Variants in ENPP6 observed in about 807,000 individuals in gnomAD.
The protein encoded by ENPP6 is glycerophosphocholine cholinephosphodiesterase ENPP6.
A neutral mutation model predicts 42.0 loss-of-function variants in ENPP6; 32 were observed. The ratio of observed to expected loss-of-function variants is 0.76; its 90% confidence interval spans 0.58 to 1.02. The LOEUF (loss-of-function observed/expected upper bound fraction) is 1.02. Ranked by LOEUF, ENPP6 falls within the 50% of genes least tolerant of loss-of-function variation. The pLI, the probability that ENPP6 is intolerant of heterozygous loss-of-function variation, is 0.00. For missense variants in ENPP6, 552 were observed against 566.8 expected (o/e 0.97, Z 0.27); for synonymous variants, 213 against 216.0 (o/e 0.99, Z 0.12).
chr4:184,114,138 G>C (rs1736276068), intron 5 of ENPP6, among the ~76,000 whole-genome samples: 1 of 151,998 alleles, frequency 6.6e-6, no homozygotes, highest in South Asian at 2.1e-4. Context: ...GCTAATTTTT[G>C]TATTTTTAGT....
chr4:184,094,897 C>G (rs904438011), intron 7 of ENPP6, among the ~76,000 whole-genome samples: 5 of 152,212 alleles, frequency 3.3e-5, no homozygotes, highest in Non-Finnish European at 7.3e-5. Context: ...CTTTGCTGGA[C>G]CAGACTCACT....
intron 1 of ENPP6, among the ~76,000 whole-genome samples, chr4:184,206,876 C>G (rs999475941): frequency 4.6e-5 from 7 of 152,212 alleles, no homozygotes; most frequent in Non-Finnish European, 1.0e-4. Flanking sequence ...TCGCTGCTTC[C>G]CGGACTGTCT....
At chr4:184,148,565 G>A (rs1204450607) in intron 2 of ENPP6, among the ~76,000 whole-genome samples, 2 of 152,216 alleles carry the variant, frequency 1.3e-5, no homozygotes, top group African/African-American at 4.8e-5. Context: ...ATTTTGTGGA[G>A]ACAATCTCAC....
chr4:184,126,805 G>A (rs114640084), intron 2 of ENPP6, among the ~76,000 whole-genome samples: 34 of 152,178 alleles, frequency 2.2e-4, no homozygotes, highest in African/African-American at 4.8e-4. Flanking sequence ...TCAGGAAAGC[G>A]CAGACCCAGC....
In ENPP6 at chr4:184,117,892, C is replaced by G. The variant is rs143413078; in HGVS notation, c.542G>C (p.Arg181Pro). ...ATGGTATATGGCTGCCAGGTCGGCC[C>G]GGCCACTCCTGGAGGGACAGAGGAG... is the stretch of plus-strand genomic sequence containing the variant. ...SDALDSFKSG[R>P]ADLAAIYHER... The change falls in exon 4 of 8, where the codon CGG becomes CCG. Residue 181 changes from arginine (R) to proline (P), a missense_variant. By Grantham distance (103) the Arg-to-Pro change is moderately radical. Transcript: ENST00000296741. The G allele has an allele frequency of 4.6e-5, 75 of 1,614,002 alleles. 1 individual carries two copies. In the African/African-American group the frequency reaches 8.5e-4, roughly 18 times the overall value.
At chr4:184,178,135 G>A (rs950700706) in intron 1 of ENPP6, among the ~76,000 whole-genome samples, 11 of 152,092 alleles carry the variant, frequency 7.2e-5, no homozygotes, top group African/African-American at 2.2e-4. Flanking sequence ...AAAACACTAC[G>A]GGAGCTGTTA....
chr4:184,117,463 C>T (rs1736339043), intron 4 of ENPP6, among the ~76,000 whole-genome samples: 2 of 152,364 alleles, frequency 1.3e-5, no homozygotes, highest in South Asian at 2.1e-4. Flanking sequence ...TGGAACCTGT[C>T]TACATGTCAA....
chr4:184,184,120 T>C lies in ENPP6; in HGVS notation c.242-30387A>G, dbSNP rs1311996493. On this transcript the variant is annotated intron_variant, in intron 1 of 7. Transcript: ENST00000296741. The surrounding 1 kb of genome is among the most constrained non-coding windows in gnomAD (Gnocchi z 4.7). Reference sequence around the variant, plus strand: ...TGAGGGAGGAAACAGTTCTAGCATGTTAAACCACTGAGATGTTAGAGTGTG... The same window carrying C: ...TGAGGGAGGAAACAGTTCTAGCATGCTAAACCACTGAGATGTTAGAGTGTG... Among the ~76,000 whole-genome samples, 1 of 152,190 alleles carries C rather than the reference T, an allele frequency of 6.6e-6. No homozygotes were observed. Among genetic ancestry groups the C allele is most frequent in the Non-Finnish European group, 1.5e-5 (1 of 68,040 alleles).
chr4:184,158,977 G>C (rs1737218569), intron 1 of ENPP6, among the ~76,000 whole-genome samples: 1 of 152,120 alleles, frequency 6.6e-6, no homozygotes, highest in Non-Finnish European at 1.5e-5. Flanking sequence ...ATCCTGCAAA[G>C]TTATTTTCCA....
At chr4:184,169,267 C>G (rs10031994) in intron 1 of ENPP6, among the ~76,000 whole-genome samples, 1 of 151,950 alleles carries the variant, frequency 6.6e-6, no homozygotes, top group Non-Finnish European at 1.5e-5. Flanking sequence ...CCACAGTGAC[C>G]GTGGCTCCAG....
At chr4:184,178,483 C>T (rs1462468303) in intron 1 of ENPP6, among the ~76,000 whole-genome samples, 1 of 152,154 alleles carries the variant, frequency 6.6e-6, no homozygotes, top group Non-Finnish European at 1.5e-5. Flanking sequence ...CCCAACCTAG[C>T]AAGTCAGGCC....
rs147410353 is a variant in ENPP6, at chr4:184,153,731, G to A, written c.244C>T (p.Arg82Cys). ...YPNYYTLMTG[R>C]HCEVHQMIGN... ...ATCATCTGATGGACTTCACAATGGC[G>A]GCCTATGTCAATGAGAACACAGCTG... Residue 82 changes from arginine to cysteine, a missense_variant and splice_region_variant, in exon 2 of 8, where the codon CGC (arginine) becomes TGC (cysteine). By Grantham distance (180) the Arg-to-Cys change is radical (BLOSUM62 -3). Transcript: ENST00000296741. The A allele has an allele frequency of 2.3e-5, 37 of 1,613,504 alleles. No homozygotes were observed. The highest frequency in any genetic ancestry group is 8.9e-5 in the East Asian group (4 of 44,894).
intron 6 of ENPP6, among the ~76,000 whole-genome samples, chr4:184,105,235 A>C (rs889580758): frequency 1.3e-5 from 2 of 152,176 alleles, no homozygotes; most frequent in Admixed American, 1.3e-4. Flanking sequence ...TGGGGTAAGG[A>C]AGAATAAAAG....
intron 3 of ENPP6, among the ~76,000 whole-genome samples, chr4:184,119,587 A>G (rs1736381418): frequency 1.3e-5 from 2 of 152,130 alleles, no homozygotes; most frequent in African/African-American, 2.4e-5. Flanking sequence ...AAATGGCAAG[A>G]TTATCTCCAA....
In ENPP6 at chr4:184,090,485, A is replaced by G. The variant is rs913443044; in HGVS notation, c.*692T>C. 2 of 152,400 alleles carry G rather than the reference A, an allele frequency of 1.3e-5. No homozygotes were observed. Among genetic ancestry groups the G allele is most frequent in the African/African-American group, 4.8e-5 (2 of 41,460 alleles). 9.4% of individuals were successfully genotyped at this position (152,400 alleles called of 1,614,324 possible). On this transcript the variant is annotated 3_prime_UTR_variant, in exon 8 of 8. Coordinates refer to ENST00000296741, the MANE Select transcript of ENPP6 (RefSeq NM_153343.4). The stretch of plus-strand genomic sequence containing the variant: ...CAGAAGCTTTTCTGCTCCTCAAGGC[A>G]AGAGAGAAATTTTCGTGCACTCAGA...
chr4:184,096,885 T>C (rs1314570822), intron 7 of ENPP6, among the ~76,000 whole-genome samples: 1 of 151,738 alleles, frequency 6.6e-6, no homozygotes, highest in Non-Finnish European at 1.5e-5. Flanking sequence ...ACAGTGAGAC[T>C]CACAGCGGTC....
chr4:184,117,042 G>T lies in ENPP6; in HGVS notation c.676-7C>A, dbSNP rs370763928. 1.2e-6 allele frequency: 2 copies of T among 1,614,160 alleles called. No individual in the cohort carries two copies. Among genetic ancestry groups the T allele is most frequent in the South Asian group, 1.1e-5 (1 of 91,060 alleles). On this transcript the variant is annotated splice_region_variant and splice_polypyrimidine_tract_variant and intron_variant, in intron 4 of 7. Transcript: ENST00000296741. ...GGTCCTGCAGGCCCCGCTCCTGTGG[G>T]GTGGGAAAAGACAGTCATTACGGCA...
intron 1 of ENPP6, among the ~76,000 whole-genome samples, chr4:184,178,498 T>C (rs1263568639): frequency 1.3e-5 from 2 of 152,110 alleles, no homozygotes; most frequent in African/African-American, 4.8e-5. Context: ...CAGGCCAGCA[T>C]TCAAATTCAG....
chr4:184,088,845 A>T lies in ENPP6; in HGVS notation c.*2332T>A, dbSNP rs1735736346. ...AGTAATTACACTTTGTCAGACAAAT[A>T]TCTAAAGTTTTATTATGTAACTTGC... is the stretch of plus-strand genomic sequence containing the variant. On this transcript the variant is annotated 3_prime_UTR_variant, in exon 8 of 8. Coordinates refer to ENST00000296741, the MANE Select transcript of ENPP6 (RefSeq NM_153343.4). 1 of 152,236 alleles carries T rather than the reference A, an allele frequency of 6.6e-6. No homozygotes were observed. The highest frequency in any genetic ancestry group is 2.4e-5 in the African/African-American group (1 of 41,464). 9.4% of individuals were successfully genotyped at this position (152,236 alleles called of 1,614,324 possible). A position where few individuals can be genotyped will look rare whatever the true frequency, so the allele number is the denominator to read the frequency against.
Sources: allele counts gnomAD v4.1 joint callset (sites outside exome capture counted in the v4.1 genomes callset), GRCh38; gene constraint gnomAD v4.1.1; non-coding constraint Gnocchi (gnomAD v3.1); transcripts MANE v1.5; gene names NCBI Gene and HGNC (gene_info 2026-07-23, HGNC 2026-07-21).